Variants in MC5R observed in about 807,000 individuals in gnomAD.
MC5R encodes melanocortin receptor 5.
For synonymous variants in MC5R, 167 were observed against 164.4 expected (o/e 1.02, Z -0.12); for missense variants, 420 against 431.4 (o/e 0.97, Z 0.23).
Position 13,825,604 on chromosome 18 carries a change from G to C in MC5R, c.-39-123G>C, listed in dbSNP as rs370704045. ...AAAAGGACTGAGTGAGCCGAGCCCA[G>C]TCCTCTGATGCACTGTGTCATTCAT... is the stretch of plus-strand genomic sequence containing the variant. On this transcript the variant is annotated intron_variant, in intron 1 of 1. Transcript: ENST00000589410. The C allele has an allele frequency of 2.1e-5, 11 of 534,532 alleles. No individual in the cohort carries two copies. The East Asian group carries it at 2.9e-4, about 14-fold the overall frequency. 33.1% of individuals were successfully genotyped at this position (534,532 alleles called of 1,614,324 possible).
rs1281852713 is a variant in MC5R, at chr18:13,826,240, T to C, written c.475T>C (p.Ser159Pro). 1 of 1,613,990 alleles carries C rather than the reference T, an allele frequency of 6.2e-7. No individual in the cohort carries two copies. The highest frequency in any genetic ancestry group is 8.5e-7 in the Non-Finnish European group (1 of 1,180,034). ...CCACCACATCATGACGGCGAGGCGC[T>C]CAGGGGCCATCATCGCCGGCATCTG... Reference protein sequence around the residue: ...RYHHIMTARRSGAIIAGIWAF... With the variant: ...RYHHIMTARRPGAIIAGIWAF... Residue 159 changes from serine to proline, a missense_variant, in exon 2 of 2, where the codon TCA becomes CCA. Physicochemically the swap from Ser to Pro is moderately conservative, Grantham distance 74 (BLOSUM62 -1). Transcript: ENST00000589410.
At position 13,826,375 on chromosome 18, in the gene MC5R, CTG is replaced by C; in HGVS notation, c.612_613del (p.Tyr205HisfsTer82). 6.2e-7 allele frequency: 1 copy of C among 1,614,184 alleles called. No homozygotes were observed. The highest frequency in any genetic ancestry group is 8.5e-7 in the Non-Finnish European group (1 of 1,180,042). On this transcript the variant is annotated frameshift_variant, in exon 2 of 2. Transcript: ENST00000589410. LOFTEE classifies it low-confidence loss of function (END_TRUNC). Reference protein sequence around the residue: ...FFAMLFLLVSLYIHMFLLART... With the variant: ...FFAMLFLLVSXYIHMFLLART... ...CGCTATGCTGTTCCTCCTGGTGTCT[CTG>C]TACATACACATGTTCCTCCTGGCGC... is the stretch of plus-strand genomic sequence containing the variant.
intron 1 of MC5R, 126 bp downstream of exon 1, chr18:13,824,400 T>C (rs928656779): frequency 1.3e-5 from 2 of 152,254 alleles, no homozygotes; most frequent in Non-Finnish European, 2.9e-5. Flanking sequence ...CACAGCTCGA[T>C]ATGATGTTTA....
chr18:13,825,226 G>A (rs2044920463), intron 1 of MC5R, among the ~76,000 whole-genome samples: 1 of 152,168 alleles, frequency 6.6e-6, no homozygotes, highest in Non-Finnish European at 1.5e-5. Context: ...TGTAGGTTAT[G>A]AGTTGGGGAC....
chr18:13,826,979 G>A lies in MC5R; in HGVS notation c.*236G>A. 4.1e-6 allele frequency: 2 copies of A among 486,024 alleles called. No homozygotes were observed. Among genetic ancestry groups the A allele is most frequent in the South Asian group, 6.6e-5 (2 of 30,166 alleles). 30.1% of individuals were successfully genotyped at this position (486,024 alleles called of 1,614,324 possible). ...TCTTACTGTCCTTTTGTGTCCTATG[G>A]TTTCTACTGCTCCCACCCATTTCTG... On this transcript the variant is annotated 3_prime_UTR_variant, in exon 2 of 2. Coordinates refer to ENST00000589410, the MANE Select transcript of MC5R (RefSeq NM_005913.3).
intron 1 of MC5R, among the ~76,000 whole-genome samples, chr18:13,825,099 CCTGT>C (rs930192795): frequency 1.3e-5 from 2 of 152,116 alleles, no homozygotes; most frequent in South Asian, 2.1e-4. Flanking sequence ...TAGGGATGCA[CCTGT>C]CTGTCTGTCT....
At position 13,826,930 on chromosome 18, in the gene MC5R, A is replaced by C; in HGVS notation, c.*187A>C. The C allele has an allele frequency of 1.7e-6, 1 of 586,650 alleles. No homozygotes were observed. Among genetic ancestry groups the C allele is most frequent in the East Asian group, 2.9e-5 (1 of 34,298 alleles). The allele number at this position is 586,650 out of a possible 1,614,324, so 36.3% of individuals were successfully genotyped here. ...TCCAACATGCAAGGGTTGCTTATCC[A>C]CTCTGGGGACAGTCATGACAATTTC... On this transcript the variant is annotated 3_prime_UTR_variant, in exon 2 of 2. Transcript: ENST00000589410.
intron 1 of MC5R, among the ~76,000 whole-genome samples, chr18:13,825,110 G>A (rs934755133): frequency 1.3e-5 from 2 of 152,164 alleles, no homozygotes; most frequent in Non-Finnish European, 2.9e-5. Context: ...CTGTCTGTCT[G>A]TCTTAAGGGA....
At position 13,826,357 on chromosome 18, in the gene MC5R, C is replaced by A. The variant is rs766410640; in HGVS notation, c.592C>A (p.Leu198Met). ...CCTCATCTCCATGTTCTTCGCTATG[C>A]TGTTCCTCCTGGTGTCTCTGTACAT... Reference protein sequence around the residue: ...LCLISMFFAMLFLLVSLYIHM... With the variant: ...LCLISMFFAMMFLLVSLYIHM... Residue 198 changes from leucine (L) to methionine (M), a missense_variant, in exon 2 of 2, where the codon CTG (leucine) becomes ATG (methionine). Coordinates refer to ENST00000589410, the MANE Select transcript of MC5R (RefSeq NM_005913.3). The A allele has an allele frequency of 5.0e-6, 8 of 1,614,058 alleles. No individual in the cohort carries two copies. In the African/African-American group the frequency reaches 8.0e-5, roughly 16 times the overall value.
rs1286113622 is a variant in MC5R, at chr18:13,827,046, G to C, written c.*303G>C. ...TCCACCTAGCAGGCATGTGCTCGGG[G>C]AATGCACAGCACCCTCAGTGCAAGC... On this transcript the variant is annotated 3_prime_UTR_variant, in exon 2 of 2. Coordinates refer to ENST00000589410, the MANE Select transcript of MC5R (RefSeq NM_005913.3). The C allele has an allele frequency of 3.0e-6, 1 of 330,488 alleles. No homozygotes were observed. Among genetic ancestry groups the C allele is most frequent in the African/African-American group, 2.1e-5 (1 of 47,178 alleles). 20.5% of individuals were successfully genotyped at this position (330,488 alleles called of 1,614,324 possible). A position where few individuals can be genotyped will look rare whatever the true frequency, so the allele number is the denominator to read the frequency against.
rs764683477 is a variant in MC5R at position 13,826,100 on chromosome 18, G to C, written c.335G>C (p.Arg112Pro). The change falls in exon 2 of 2, where the codon CGC (arginine) becomes CCC (proline). Residue 112 changes from arginine (R) to proline (P), a missense_variant. Coordinates refer to ENST00000589410, the MANE Select transcript of MC5R (RefSeq NM_005913.3). ...KHLVIADAFV[R>P]HIDNVFDSMI... ...CTAGTGATAGCAGACGCCTTTGTGC[G>C]CCACATTGACAATGTGTTTGACTCC... 6.2e-7 allele frequency: 1 copy of C among 1,614,086 alleles called. No homozygotes were observed. The highest frequency in any genetic ancestry group is 1.3e-5 in the African/African-American group (1 of 75,020).
Position 13,825,723 on chromosome 18 carries a change from A to C in MC5R, c.-39-4A>C, listed in dbSNP as rs778997069. 1 of 1,512,030 alleles carries C rather than the reference A, an allele frequency of 6.6e-7. No individual in the cohort carries two copies. Among genetic ancestry groups the C allele is most frequent in the African/African-American group, 1.4e-5 (1 of 71,520 alleles). The allele number at this position is 1,512,030 out of a possible 1,614,324, so 93.7% of individuals were successfully genotyped here. ...GGATTGTGAATTTAAAACATGTTTT[A>C]CAGTAAATTTGCTGCCAAGACAAGA... On this transcript the variant is annotated splice_region_variant and splice_polypyrimidine_tract_variant and intron_variant, in intron 1 of 1. Coordinates refer to ENST00000589410, the MANE Select transcript of MC5R (RefSeq NM_005913.3).
Position 13,826,500 on chromosome 18 carries a change from C to A in MC5R, c.735C>A (p.Gly245=), listed in dbSNP as rs1006689447. ...CGGTCACCGTCACCATGCTGCTGGG[C>A]GTGTTTACCGTGTGCTGGGCCCCGT... ...QGAVTVTMLL[G]VFTVCWAPFF... The change falls in exon 2 of 2, where the codon GGC becomes GGA. Residue 245 remains glycine, a synonymous_variant. Coordinates refer to ENST00000589410, the MANE Select transcript of MC5R (RefSeq NM_005913.3). 4 of 1,613,470 alleles carry A rather than the reference C, an allele frequency of 2.5e-6. No homozygotes were observed. Among genetic ancestry groups the A allele is most frequent in the African/African-American group, 1.3e-5 (1 of 74,918 alleles).
intron 1 of MC5R, among the ~76,000 whole-genome samples, chr18:13,825,063 G>C (rs143092078): frequency 3.6e-4 from 55 of 152,256 alleles, no homozygotes; most frequent in Non-Finnish European, 6.8e-4. Flanking sequence ...AATCCTGATG[G>C]GTCTAAGAAG....
rs1312581363 is a variant in MC5R at position 13,826,171 on chromosome 18, A to G, written c.406A>G (p.Ile136Val). The G allele has an allele frequency of 6.2e-7, 1 of 1,614,020 alleles. No homozygotes were observed. Among genetic ancestry groups the G allele is most frequent in the African/African-American group, 1.3e-5 (1 of 74,936 alleles). ...VVASMCSLLA[I>V]AVDRYVTIFY... The stretch of plus-strand genomic sequence containing the variant: ...GGCATCCATGTGCAGCTTACTGGCC[A>G]TTGCAGTGGATAGGTACGTCACCAT... The change falls in exon 2 of 2, where the codon ATT becomes GTT. Residue 136 changes from isoleucine to valine, a missense_variant. Transcript: ENST00000589410.
chr18:13,825,625 T>C (rs2044923537), intron 1 of MC5R, 102 bp from the exon 2 acceptor site: 1 of 679,320 alleles, frequency 1.5e-6, no homozygotes, highest in Non-Finnish European at 2.5e-6. Context: ...CACTGTGTCA[T>C]TCATCCCCTT....
Position 13,827,042 on chromosome 18 carries a change from C to G in MC5R, c.*299C>G, listed in dbSNP as rs185879529. ...ACCCTCCACCTAGCAGGCATGTGCTCGGGGAATGCACAGCACCCTCAGTGC... is the reference window on the plus strand; with the variant it reads ...ACCCTCCACCTAGCAGGCATGTGCTGGGGGAATGCACAGCACCCTCAGTGC... On this transcript the variant is annotated 3_prime_UTR_variant, in exon 2 of 2. Coordinates refer to ENST00000589410, the MANE Select transcript of MC5R (RefSeq NM_005913.3). 3.0e-6 allele frequency: 1 copy of G among 334,694 alleles called. No individual in the cohort carries two copies. The highest frequency in any genetic ancestry group is 5.5e-6 in the Non-Finnish European group (1 of 183,096). 20.7% of individuals were successfully genotyped at this position (334,694 alleles called of 1,614,324 possible). A position where few individuals can be genotyped will look rare whatever the true frequency, so the allele number is the denominator to read the frequency against.
chr18:13,825,894 T>A lies in MC5R; in HGVS notation c.129T>A (p.Phe43Leu). 1 of 1,614,148 alleles carries A rather than the reference T, an allele frequency of 6.2e-7. No individual in the cohort carries two copies. Among genetic ancestry groups the A allele is most frequent in the Non-Finnish European group, 8.5e-7 (1 of 1,180,014 alleles). ...ACATGGGCATTGCTGTGGAGGTGTT[T>A]CTCACTCTGGGTGTCATCAGCCTCT... is the stretch of plus-strand genomic sequence containing the variant. ...CEDMGIAVEV[F>L]LTLGVISLLE... is the part of the protein sequence containing the mutation. The change falls in exon 2 of 2, where the codon TTT becomes TTA. Residue 43 changes from phenylalanine to leucine, a missense_variant. Transcript: ENST00000589410.
intron 1 of MC5R, among the ~76,000 whole-genome samples, chr18:13,825,164 A>G (rs1035471380): frequency 2.0e-5 from 3 of 152,180 alleles, no homozygotes; most frequent in Admixed American, 1.3e-4. Flanking sequence ...CTTGAGGAGA[A>G]TGTCGTGCAG....
Sources: gnomAD v4.1 joint callset for allele counts (sites outside exome capture counted in the v4.1 genomes callset) on GRCh38, gnomAD v4.1.1 for gene constraint, MANE v1.5 for transcripts, NCBI Gene and HGNC (gene_info 2026-07-23, HGNC 2026-07-21) for gene names.